Variants in SCARB2 observed in about 807,000 individuals in gnomAD.
SCARB2 encodes lysosome membrane protein 2.
In SCARB2, 29 loss-of-function variants were observed where a neutral mutation model predicts 58.6. The observed-to-expected ratio is 0.49, with a 90% CI of 0.37 to 0.67. The LOEUF (loss-of-function observed/expected upper bound fraction) is 0.67, where lower values mean the gene tolerates loss of function less well. SCARB2 is among the 30% of genes least tolerant of loss of function. SCARB2 has a pLI of 0.00. For missense variants in SCARB2, 488 were observed against 578.5 expected, an observed-to-expected ratio of 0.84 and a Z score of 1.60; for synonymous variants, 195 against 210.1, an observed-to-expected ratio of 0.93 and a Z score of 0.62.
Position 76,226,426 on chromosome 4 carries a change from G to T in SCARB2, c.-358+7877C>A, listed in dbSNP as rs561431288. Among the ~76,000 whole-genome samples, 6 of 152,342 alleles carry T rather than the reference G, an allele frequency of 3.9e-5. No individual in the cohort carries two copies. The East Asian group carries it at 1.2e-3, about 29-fold the overall frequency. Reference sequence around the variant, plus strand: ...ATTTATGATTTTGGGAGAGCAAGGAGCAAGGGGCCAGTGAGTCTGGACACA... The same window carrying T: ...ATTTATGATTTTGGGAGAGCAAGGATCAAGGGGCCAGTGAGTCTGGACACA... On this transcript the variant is annotated intron_variant, in intron 1 of 11. Coordinates refer to the SCARB2 transcript ENST00000638295.
rs1731886546 is a variant in SCARB2, at chr4:76,160,996, ATTAT to A, written c.*713_*716del. 6.6e-6 allele frequency: 1 copy of A among 152,396 alleles called. No individual in the cohort carries two copies. 9.4% of individuals were successfully genotyped at this position (152,396 alleles called of 1,614,324 possible). A position where few individuals can be genotyped will look rare whatever the true frequency, so the allele number is the denominator to read the frequency against. On this transcript the variant is annotated 3_prime_UTR_variant, in exon 12 of 12. Transcript: ENST00000264896. Reference sequence around the variant, plus strand: ...ATATCTGTACTTTATCCTCACCAACATTATTTATGCATTCTCTTCGTTCACAAAA... The same window carrying A: ...ATATCTGTACTTTATCCTCACCAACATTATGCATTCTCTTCGTTCACAAAA...
upstream of SCARB2, chr4:76,214,533 G>GC: frequency 2.9e-6 from 1 of 345,950 alleles, no homozygotes; most frequent in Non-Finnish European, 5.7e-6. Flanking sequence ...AGGTGTTGAG[G>GC]CCCCAAGAGG....
chr4:76,181,084 G>C lies in SCARB2; in HGVS notation c.293C>G (p.Ala98Gly). ...TCCATTATCTCCAAATTGAATATTT[G>C]CTTTGTTTCTGAGTTCCCTAAAAGA... ...PYTYRELRNK[A>G]NIQFGDNGTT... is the part of the protein sequence containing the mutation. Residue 98 changes from alanine to glycine, a missense_variant, in exon 3 of 12, where the codon GCA becomes GGA. Transcript: ENST00000264896. 1.2e-6 allele frequency: 2 copies of C among 1,613,586 alleles called. No individual in the cohort carries two copies. Among genetic ancestry groups the C allele is most frequent in the Non-Finnish European group, 1.7e-6 (2 of 1,179,826 alleles).
chr4:76,178,771 A>G (rs1338839525), intron 4 of SCARB2, among the ~76,000 whole-genome samples: 1 of 152,170 alleles, frequency 6.6e-6, no homozygotes, highest in African/African-American at 2.4e-5. Flanking sequence ...ACTTGCTCAC[A>G]ATTCTATTTT....
At chr4:76,211,595 A>G (rs1322102721) in intron 1 of SCARB2, among the ~76,000 whole-genome samples, 1 of 152,244 alleles carries the variant, frequency 6.6e-6, no homozygotes, top group Non-Finnish European at 1.5e-5. Context: ...TGGGGAAAAC[A>G]TGAATCAAGT....
At chr4:76,176,554 T>C in intron 4 of SCARB2, 26 bp from the exon 5 acceptor site, 1 of 1,466,416 alleles carries the variant, frequency 6.8e-7, no homozygotes, top group Non-Finnish European at 9.5e-7. Context: ...TATGATCATT[T>C]AAAGTAACTG....
intron 3 of SCARB2, chr4:76,180,595 T>C (rs4859624): frequency 0.11 from 16,902 of 156,502 alleles, 1,141 homozygotes; most frequent in East Asian, 0.21. Flanking sequence ...ACAAATTTCA[T>C]TGCTAGAATT....
At chr4:76,167,931 T>C (rs769633959) in intron 9 of SCARB2, among the ~76,000 whole-genome samples, 29 of 152,142 alleles carry the variant, frequency 1.9e-4, no homozygotes, top group African/African-American at 2.9e-4. Flanking sequence ...CCACCCACCT[T>C]GGCCTCCCAA....
intron 11 of SCARB2, 172 bp downstream of exon 11, chr4:76,163,053 T>C: frequency 1.3e-6 from 1 of 760,194 alleles, no homozygotes; most frequent in Non-Finnish European, 2.2e-6. Flanking sequence ...TTGACACACT[T>C]CCTTTGCTTC....
chr4:76,184,835 AG>A, intron 2 of SCARB2: 1 of 347,512 alleles, frequency 2.9e-6, no homozygotes, highest in South Asian at 2.5e-5. Flanking sequence ...AGTAAAAGAC[AG>A]GATTCCTCCC....
At chr4:76,200,787 C>G (rs1046072827) in intron 1 of SCARB2, among the ~76,000 whole-genome samples, 1 of 152,182 alleles carries the variant, frequency 6.6e-6, no homozygotes, top group Non-Finnish European at 1.5e-5. Flanking sequence ...ATGATTTTCT[C>G]CCCTAGTTGA....
intron 1 of SCARB2, among the ~76,000 whole-genome samples, chr4:76,208,803 A>G (rs1170737554): frequency 1.3e-5 from 2 of 152,244 alleles, no homozygotes. Flanking sequence ...AAGAGAGCCA[A>G]GAAGCGGGAT....
chr4:76,205,739 A>G (rs1453792280), intron 1 of SCARB2, among the ~76,000 whole-genome samples: 1 of 151,968 alleles, frequency 6.6e-6, no homozygotes. Flanking sequence ...TGCATGTCAA[A>G]CCCCAGCAGC....
intron 9 of SCARB2, 115 bp from the exon 10 acceptor site, chr4:76,166,416 G>A: frequency 2.7e-6 from 3 of 1,124,952 alleles, no homozygotes; most frequent in Non-Finnish European, 2.7e-6. Context: ...AAATTACCCA[G>A]AATTTGCTGA....
chr4:76,201,831 T>C (rs558792785), intron 1 of SCARB2, among the ~76,000 whole-genome samples: 1 of 152,340 alleles, frequency 6.6e-6, no homozygotes, highest in South Asian at 2.1e-4. Context: ...GAATTTTTTA[T>C]AACATCCTTT....
intron 2 of SCARB2, among the ~76,000 whole-genome samples, chr4:76,185,373 A>G (rs1194206472): frequency 1.3e-5 from 2 of 152,254 alleles, no homozygotes; most frequent in African/African-American, 2.4e-5. Context: ...AACAAAAAAC[A>G]AATCAAATTT....
intron 8 of SCARB2, among the ~76,000 whole-genome samples, chr4:76,168,720 T>G (rs997090350): frequency 6.6e-6 from 1 of 152,200 alleles, no homozygotes. Context: ...GGAATCCTGT[T>G]AAAATGCAGG....
At chr4:76,220,554 G>T (rs1366295905) in intron 1 of SCARB2, among the ~76,000 whole-genome samples, 1 of 152,204 alleles carries the variant, frequency 6.6e-6, no homozygotes, top group Non-Finnish European at 1.5e-5. Context: ...TCGAGTCCAG[G>T]AGTTCAAGGC....
intron 1 of SCARB2, among the ~76,000 whole-genome samples, chr4:76,226,510 G>A (rs1255181585): frequency 6.6e-6 from 1 of 152,204 alleles, no homozygotes; most frequent in East Asian, 1.9e-4. Context: ...AAGCCACAAG[G>A]GGTTTTATGC....
Sources: gnomAD v4.1 joint callset for allele counts (sites outside exome capture counted in the v4.1 genomes callset) on GRCh38, gnomAD v4.1.1 for gene constraint, MANE v1.5 for transcripts, NCBI Gene and HGNC (gene_info 2026-07-23, HGNC 2026-07-21) for gene names.